BCAS1: variants seen among roughly 807,000 people sequenced by gnomAD.
The protein encoded by BCAS1 is breast carcinoma-amplified sequence 1.
BCAS1 carries 46 observed loss-of-function variants against 65.4 expected under a neutral mutation model. The ratio of observed to expected loss-of-function variants is 0.70; its 90% CI spans 0.55 to 0.90. The LOEUF (loss-of-function observed/expected upper bound fraction) is 0.90, where lower values mean the gene tolerates loss of function less well. BCAS1 is among the 40% of genes least tolerant of loss of function. BCAS1 has a pLI of 0.00. For missense variants in BCAS1, 793 were observed against 771.2 expected (o/e 1.03, Z -0.33); for synonymous variants, 298 against 293.5 (o/e 1.02, Z -0.16).
At chr20:53,969,279 G>A (rs541141206) in intron 9 of BCAS1, among the ~76,000 whole-genome samples, 22 of 152,102 alleles carry the variant, frequency 1.4e-4, no homozygotes, top group African/African-American at 4.8e-4. Context: ...AATGCTAGTG[G>A]TTGTTATTTG....
intron 7 of BCAS1, 64 bp downstream of exon 7, chr20:53,992,448 G>A: frequency 7.5e-7 from 1 of 1,327,662 alleles, no homozygotes; most frequent in Non-Finnish European, 1.0e-6. Flanking sequence ...GTGGGCTCAG[G>A]ATGGCACATG....
chr20:54,041,909 C>CAAAAAAAAAAAAAAAAAAAAA (rs796435949), intron 3 of BCAS1, among the ~76,000 whole-genome samples: 1 of 79,764 alleles, frequency 1.3e-5, no homozygotes, highest in Non-Finnish European at 2.2e-5. Flanking sequence ...CTGTCTCCCC[C>CAAAAAAAAAAAAAAAAAAAAA]AAAAAAAAAA....
chr20:53,996,029 T>C lies in BCAS1; in HGVS notation c.745A>G (p.Lys249Glu). ...AGKDIVDGKEKEGQELGTADC... is the reference protein window; with the variant it reads ...AGKDIVDGKEEEGQELGTADC... ...GCAGTTCCAAGTTCTTGTCCTTCTTTTTCCTTGCCGTCAACTATGTCCTAG... is the reference window on the plus strand; with the variant it reads ...GCAGTTCCAAGTTCTTGTCCTTCTTCTTCCTTGCCGTCAACTATGTCCTAG... Residue 249 changes from lysine (K) to glutamate (E), a missense_variant, in exon 5 of 13, where the codon AAA becomes GAA. By Grantham distance (56) the Lys-to-Glu change is moderately conservative. Transcript: ENST00000688948. 6.2e-7 allele frequency: 1 copy of C among 1,604,838 alleles called. No individual in the cohort carries two copies. Among genetic ancestry groups the C allele is most frequent in the Non-Finnish European group, 8.5e-7 (1 of 1,175,478 alleles).
At chr20:53,963,151 C>T (rs2089933299) in intron 10 of BCAS1, among the ~76,000 whole-genome samples, 1 of 151,064 alleles carries the variant, frequency 6.6e-6, no homozygotes, top group East Asian at 2.0e-4. Context: ...CGCCTGGCCT[C>T]TATTTTTATT....
intron 12 of BCAS1, among the ~76,000 whole-genome samples, chr20:53,952,056 C>T (rs2145495438): frequency 6.6e-6 from 1 of 152,330 alleles, no homozygotes; most frequent in South Asian, 2.1e-4. Context: ...TGGATACCCA[C>T]TTTCAGTGTC....
At chr20:53,963,000 G>A (rs960362004) in intron 10 of BCAS1, among the ~76,000 whole-genome samples, 8 of 151,756 alleles carry the variant, frequency 5.3e-5, no homozygotes, top group South Asian at 2.1e-4. Context: ...ACAGGCGCCC[G>A]CCACCATGCC....
intron 8 of BCAS1, among the ~76,000 whole-genome samples, chr20:53,983,442 G>A (rs1211443705): frequency 6.6e-6 from 1 of 152,176 alleles, no homozygotes; most frequent in African/African-American, 2.4e-5. Flanking sequence ...AGCTCATAGA[G>A]ACAAACTGAG....
At chr20:54,007,624 C>A (rs1054824758) in intron 4 of BCAS1, among the ~76,000 whole-genome samples, 7 of 152,238 alleles carry the variant, frequency 4.6e-5, no homozygotes, top group African/African-American at 1.7e-4. Flanking sequence ...CGGCCCAGGG[C>A]AAGGAGTAGG....
At chr20:54,002,155 G>T (rs6127051) in intron 4 of BCAS1, among the ~76,000 whole-genome samples, 25,259 of 151,708 alleles carry the variant, frequency 0.17, 2,361 homozygotes, top group East Asian at 0.28. Context: ...TGCTCTCTGT[G>T]TATCTCTCTC....
intron 3 of BCAS1, among the ~76,000 whole-genome samples, chr20:54,037,643 C>T (rs1377653328): frequency 1.3e-5 from 2 of 151,362 alleles, no homozygotes; most frequent in African/African-American, 4.8e-5. Context: ...AGCAAATCTA[C>T]AAGTTAGGTA....
At chr20:54,008,724 G>A (rs769538566) in intron 4 of BCAS1, among the ~76,000 whole-genome samples, 1 of 152,058 alleles carries the variant, frequency 6.6e-6, no homozygotes, top group Non-Finnish European at 1.5e-5. Flanking sequence ...GAACTAAGAA[G>A]GCCTCAAACA....
intron 1 of BCAS1, among the ~76,000 whole-genome samples, chr20:54,069,900 G>A (rs751473488): frequency 1.3e-5 from 2 of 152,228 alleles, no homozygotes; most frequent in Non-Finnish European, 2.9e-5. Context: ...GATGTAAACA[G>A]CAGGGGTCCT....
In BCAS1 at chr20:54,045,786, T is replaced by A. The variant is rs1390040979; in HGVS notation, c.142+12299A>T. On this transcript the variant is annotated intron_variant, in intron 3 of 12. Coordinates refer to ENST00000688948, the MANE Select transcript of BCAS1 (RefSeq NM_001366298.2). ...TCTGCATTTTCCCTTAATTCTGGCA[T>A]GTAATGCTTTGTCATCAAAACACTA... is the stretch of plus-strand genomic sequence containing the variant. Among the ~76,000 whole-genome samples, 6 of 152,276 alleles carry A rather than the reference T, an allele frequency of 3.9e-5. No homozygotes were observed. In the East Asian group the frequency reaches 1.2e-3, roughly 29 times the overall value.
chr20:53,997,440 C>A (rs1697607347), intron 4 of BCAS1, among the ~76,000 whole-genome samples: 2 of 152,164 alleles, frequency 1.3e-5, no homozygotes, highest in Non-Finnish European at 1.5e-5. Context: ...ACATTTATTC[C>A]ATTGCTTGGT....
intron 1 of BCAS1, among the ~76,000 whole-genome samples, chr20:54,065,191 A>ACG (rs757376423): frequency 6.6e-6 from 1 of 150,594 alleles, no homozygotes; most frequent in African/African-American, 2.5e-5. Flanking sequence ...TATCTCACAC[A>ACG]CACTATATAT....
intron 1 of BCAS1, chr20:54,068,327 A>G (rs1261319755): frequency 6.5e-6 from 1 of 154,418 alleles, no homozygotes; most frequent in Non-Finnish European, 1.5e-5. Flanking sequence ...TGCACCAAAC[A>G]TTGTTAAGTG....
chr20:54,014,627 T>C (rs2276491), intron 4 of BCAS1, among the ~76,000 whole-genome samples: 27,391 of 152,174 alleles, frequency 0.18, 2,595 homozygotes, highest in East Asian at 0.34. Flanking sequence ...GAATCAGTAC[T>C]GAAAGTACAG....
chr20:53,990,576 G>A (rs1311479894), intron 7 of BCAS1, among the ~76,000 whole-genome samples: 1 of 151,786 alleles, frequency 6.6e-6, no homozygotes, highest in Non-Finnish European at 1.5e-5. Context: ...TTCTTTTCCA[G>A]GTGACAAACC....
intron 3 of BCAS1, among the ~76,000 whole-genome samples, chr20:54,041,508 A>T (rs535041823): frequency 6.6e-6 from 1 of 152,302 alleles, no homozygotes; most frequent in South Asian, 2.1e-4. Flanking sequence ...AAAGCACAAT[A>T]AAATTATGAC....
Sources: gnomAD v4.1 joint callset for allele counts (sites outside exome capture counted in the v4.1 genomes callset) on GRCh38, gnomAD v4.1.1 for gene constraint, MANE v1.5 for transcripts, NCBI Gene and HGNC (gene_info 2026-07-23, HGNC 2026-07-21) for gene names.